HCFC2: variants seen among roughly 807,000 people sequenced by gnomAD.
The protein encoded by HCFC2 is host cell factor 2.
HCFC2 carries 18 observed loss-of-function variants against 89.2 expected under a neutral mutation model. That is an observed-to-expected ratio of 0.20 (90% CI 0.14 to 0.30). The LOEUF is 0.30. HCFC2 is among the 10% of genes least tolerant of loss of function. The pLI, the probability that HCFC2 is intolerant of heterozygous loss-of-function variation, is 1.00. For synonymous variants in HCFC2, 308 were observed against 335.7 expected, an observed-to-expected ratio of 0.92 and a Z score of 0.90; for missense variants, 578 against 956.1, an observed-to-expected ratio of 0.60 and a Z score of 5.21.
At chr12:104,071,090 G>A (rs1481777614) in intron 3 of HCFC2, among the ~76,000 whole-genome samples, 20 of 152,110 alleles carry the variant, frequency 1.3e-4, no homozygotes, top group Non-Finnish European at 2.9e-5. Flanking sequence ...ACAGGCTTGA[G>A]CCACCACGCC....
At chr12:104,098,158 A>T in intron 12 of HCFC2, 185 bp from the exon 13 acceptor site, 1 of 467,338 alleles carries the variant, frequency 2.1e-6, no homozygotes, top group Non-Finnish European at 3.7e-6. Flanking sequence ...CCTGTGTTTG[A>T]ATTGGCATCC....
At chr12:104,087,915 A>T in intron 8 of HCFC2, 71 bp from the exon 9 acceptor site, 1 of 839,916 alleles carries the variant, frequency 1.2e-6, no homozygotes, top group Non-Finnish European at 1.8e-6. Flanking sequence ...ATGTAACTTT[A>T]AAAATATTTA....
chr12:104,099,406 G>A (rs1884273820), intron 13 of HCFC2, among the ~76,000 whole-genome samples: 1 of 151,952 alleles, frequency 6.6e-6, no homozygotes, highest in Admixed American at 6.6e-5. Flanking sequence ...CTGTGTTAAG[G>A]CCCTTTGTAT....
At chr12:104,086,122 C>T (rs996109000) in intron 7 of HCFC2, among the ~76,000 whole-genome samples, 8 of 151,774 alleles carry the variant, frequency 5.3e-5, no homozygotes, top group African/African-American at 9.7e-5. Context: ...CTTAGCCTTC[C>T]GAGTACCTGG....
intron 4 of HCFC2, 103 bp from the exon 5 acceptor site, chr12:104,080,643 G>C: frequency 3.2e-6 from 2 of 631,726 alleles, no homozygotes; most frequent in Non-Finnish European, 5.3e-6. Flanking sequence ...AAAATACTTT[G>C]TTTCATTTTG....
At chr12:104,092,492 G>A (rs750778404) in intron 9 of HCFC2, among the ~76,000 whole-genome samples, 1 of 151,392 alleles carries the variant, frequency 6.6e-6, no homozygotes, top group Non-Finnish European at 1.5e-5. Context: ...ATTTTTTTAG[G>A]CCAGGCGCTG....
chr12:104,099,056 G>A (rs1474739431), intron 13 of HCFC2, among the ~76,000 whole-genome samples: 1 of 152,114 alleles, frequency 6.6e-6, no homozygotes, highest in Non-Finnish European at 1.5e-5. Flanking sequence ...TCCACAGGCT[G>A]TACAGGAAGC....
intron 3 of HCFC2, among the ~76,000 whole-genome samples, chr12:104,072,343 G>A (rs1182195048): frequency 6.7e-6 from 1 of 149,340 alleles, no homozygotes; most frequent in Non-Finnish European, 1.5e-5. Flanking sequence ...GTGCATTCCA[G>A]CCAGGGCAAC....
chr12:104,072,455 A>G (rs1414560256), intron 3 of HCFC2, among the ~76,000 whole-genome samples: 1 of 152,058 alleles, frequency 6.6e-6, no homozygotes, highest in East Asian at 1.9e-4. Flanking sequence ...CAGTTTGAGG[A>G]GAATCACCAT....
intron 3 of HCFC2, among the ~76,000 whole-genome samples, chr12:104,071,915 G>A (rs1051630067): frequency 1.6e-4 from 25 of 152,172 alleles, no homozygotes; most frequent in African/African-American, 6.0e-4. Context: ...GACTAATAGT[G>A]TTGGACATCT....
At position 104,086,921 on chromosome 12, in the gene HCFC2, G is replaced by C. The variant is rs1050565135; in HGVS notation, c.1138G>C (p.Val380Leu). Reference sequence around the variant, plus strand: ...CTCCTTTCATGTCAAGTGGGATGAAGTGTCTACAGTTGAGGGCTATCTTTT... The same window carrying C: ...CTCCTTTCATGTCAAGTGGGATGAACTGTCTACAGTTGAGGGCTATCTTTT... ...TNSFHVKWDE[V>L]STVEGYLLQL... The change falls in exon 8 of 15, where the codon GTG (valine) becomes CTG (leucine). Residue 380 changes from valine to leucine, a missense_variant. This residue lies in a region of HCFC2 where 210 missense variants were observed against 251.7 expected (regional missense o/e 0.83). Transcript: ENST00000229330. The C allele has an allele frequency of 1.9e-6, 3 of 1,613,882 alleles. No individual in the cohort carries two copies. The African/African-American group carries it at 4.0e-5, about 22-fold the overall frequency.
At chr12:104,083,345 C>T (rs924634010) in intron 7 of HCFC2, among the ~76,000 whole-genome samples, 24 of 151,886 alleles carry the variant, frequency 1.6e-4, no homozygotes, top group African/African-American at 5.8e-4. Context: ...ATCAACAAGC[C>T]CAAACTGAGG....
intron 2 of HCFC2, 80 bp downstream of exon 2, chr12:104,066,395 C>G (rs1357876440): frequency 3.9e-6 from 4 of 1,023,394 alleles, no homozygotes; most frequent in African/African-American, 1.7e-5. Flanking sequence ...TGCAACATTA[C>G]TAACATTGTT....
At chr12:104,071,149 A>G (rs1379708599) in intron 3 of HCFC2, among the ~76,000 whole-genome samples, 1 of 152,216 alleles carries the variant, frequency 6.6e-6, no homozygotes, top group Admixed American at 6.5e-5. Context: ...AACTTTTTCC[A>G]TTAAACAGAT....
chr12:104,100,757 G>C (rs78024076), intron 13 of HCFC2, among the ~76,000 whole-genome samples: 7,263 of 151,872 alleles, frequency 0.048, 221 homozygotes, highest in Non-Finnish European at 0.069. Context: ...TCTAATTCTT[G>C]ACAAAAATAG....
intron 13 of HCFC2, among the ~76,000 whole-genome samples, chr12:104,099,627 A>C (rs1030056812): frequency 1.3e-5 from 2 of 152,040 alleles, no homozygotes; most frequent in South Asian, 2.1e-4. Context: ...TAAAAAAAAA[A>C]AAAAACTTAT....
In HCFC2 at chr12:104,082,574, G is replaced by A; in HGVS notation, c.842G>A (p.Arg281Lys). The change falls in exon 6 of 15, where the codon AGA becomes AAA. Residue 281 changes from arginine to lysine, a missense_variant. Around this residue, in one of 4 missense-constraint regions of HCFC2, gnomAD observed 206 missense variants for 419.2 expected, o/e 0.49. Transcript: ENST00000229330. ...ACTTCACCTCATGATTGTGAATGGA[G>A]ATGTACCAGTTCATTTTCTTACCTA... ...TETSPHDCEW[R>K]CTSSFSYLNL... The A allele has an allele frequency of 6.2e-7, 1 of 1,613,378 alleles. No homozygotes were observed. Among genetic ancestry groups the A allele is most frequent in the Non-Finnish European group, 8.5e-7 (1 of 1,179,382 alleles).
Position 104,095,444 on chromosome 12 carries a change from C to T in HCFC2, c.1547C>T (p.Thr516Ile), listed in dbSNP as rs1032366323. The T allele has an allele frequency of 6.2e-7, 1 of 1,613,488 alleles. No individual in the cohort carries two copies. Among genetic ancestry groups the T allele is most frequent in the Non-Finnish European group, 8.5e-7 (1 of 1,179,538 alleles). The stretch of plus-strand genomic sequence containing the variant: ...ATTCCTGAAACATCTGTATCCAGTA[C>T]TGTTTCCAGCACACAAACTATGGTA... ...TVIPETSVSS[T>I]VSSTQTMVTQ... The change falls in exon 11 of 15, where the codon ACT (threonine) becomes ATT (isoleucine). Residue 516 changes from threonine to isoleucine, a missense_variant. By Grantham distance (89) the Thr-to-Ile change is moderately conservative. Transcript: ENST00000229330. This position sits in a 1 kb window ranked among gnomAD's most constrained non-coding sequence, Gnocchi z 4.2.
chr12:104,098,346 G>C lies in HCFC2; in HGVS notation c.1744G>C (p.Glu582Gln). ...ATTTTTTTTTCTCTGAAATTAGAAAGAGACTCCTTCAAATCCAGTGGCCAC... is the reference window on the plus strand; with the variant it reads ...ATTTTTTTTTCTCTGAAATTAGAAACAGACTCCTTCAAATCCAGTGGCCAC... Reference protein sequence around the residue: ...THATATPFSKETPSNPVATVK... With the variant: ...THATATPFSKQTPSNPVATVK... Residue 582 changes from glutamate (E) to glutamine (Q), a missense_variant, in exon 13 of 15, where the codon GAG becomes CAG. Around this residue, in one of 4 missense-constraint regions of HCFC2, gnomAD observed 140 missense variants for 266.4 expected, o/e 0.53. Coordinates refer to ENST00000229330, the MANE Select transcript of HCFC2 (RefSeq NM_013320.3). The C allele has an allele frequency of 1.9e-6, 3 of 1,581,184 alleles. No individual in the cohort carries two copies. The highest frequency in any genetic ancestry group is 2.6e-6 in the Non-Finnish European group (3 of 1,171,548).
Sources: allele counts gnomAD v4.1 joint callset (sites outside exome capture counted in the v4.1 genomes callset), GRCh38; gene constraint gnomAD v4.1.1; regional missense constraint gnomAD v4.1.1; non-coding constraint Gnocchi (gnomAD v3.1); transcripts MANE v1.5; gene names NCBI Gene and HGNC (gene_info 2026-07-23, HGNC 2026-07-21).